The following KIAA1217 variants were observed in gnomAD, a reference collection of about 807,000 sequenced individuals.
KIAA1217 encodes sickle tail protein homolog.
In KIAA1217, 88 loss-of-function variants were observed where a neutral mutation model predicts 163.9. The observed-to-expected ratio is 0.54, with a 90% CI of 0.45 to 0.64. The LOEUF (loss-of-function observed/expected upper bound fraction) is 0.64, where lower values mean the gene tolerates loss of function less well. Ranked by LOEUF, KIAA1217 falls within the 30% of genes least tolerant of loss-of-function variation. KIAA1217 has a pLI of 0.00. For synonymous variants in KIAA1217, 903 were observed against 923.1 expected (o/e 0.98, Z 0.39); for missense variants, 2,372 against 2,475.0 (o/e 0.96, Z 0.88).
At chr10:24,384,405 A>G (rs998173567) in intron 3 of KIAA1217, among the ~76,000 whole-genome samples, 7 of 152,286 alleles carry the variant, frequency 4.6e-5, no homozygotes, top group Admixed American at 4.6e-4. Flanking sequence ...CCCCATGATC[A>G]GCATACCCTA....
intron 1 of KIAA1217, among the ~76,000 whole-genome samples, chr10:23,897,453 A>G (rs1166105121): frequency 1.3e-5 from 2 of 151,920 alleles, no homozygotes; most frequent in Admixed American, 1.3e-4. Context: ...GTTGGTGTTC[A>G]CTGGTATCAG....
rs546463457 is a variant in KIAA1217 at position 24,075,127 on chromosome 10, C to A, written c.-171+67753C>A. Among the ~76,000 whole-genome samples, 66 of 131,184 alleles carry A rather than the reference C, an allele frequency of 5.0e-4. No homozygotes were observed. In the South Asian group the frequency reaches 0.014, roughly 27 times the overall value. The allele number at this position is 131,184 out of a possible 152,430, so 86.1% of individuals were successfully genotyped here. A position where few individuals can be genotyped will look rare whatever the true frequency, so the allele number is the denominator to read the frequency against. On this transcript the variant is annotated intron_variant, in intron 2 of 18. Coordinates refer to the KIAA1217 transcript ENST00000376462. ...CTTCTGTTCCCCCTAAATACACACA[C>A]ACACACACACACACACACACACACA...
At chr10:24,328,893 A>G (rs930655785) in intron 2 of KIAA1217, among the ~76,000 whole-genome samples, 3 of 151,830 alleles carry the variant, frequency 2.0e-5, no homozygotes, top group African/African-American at 4.8e-5. Flanking sequence ...TGTCTTCCCA[A>G]TTTTCATAAC....
upstream of KIAA1217, among the ~76,000 whole-genome samples, chr10:24,204,771 A>G (rs750304351): frequency 2.0e-5 from 3 of 152,196 alleles, no homozygotes; most frequent in Non-Finnish European, 2.9e-5. Flanking sequence ...GAGAGCCCAC[A>G]TTTCACATGC....
intron 2 of KIAA1217, among the ~76,000 whole-genome samples, chr10:24,317,663 A>G (rs2043570821): frequency 6.6e-6 from 1 of 152,206 alleles, no homozygotes; most frequent in South Asian, 2.1e-4. Context: ...TAGAATATGC[A>G]TGTCTGGAAC....
intron 2 of KIAA1217, among the ~76,000 whole-genome samples, chr10:24,009,870 A>T (rs1847166906): frequency 6.6e-6 from 1 of 152,064 alleles, no homozygotes; most frequent in Non-Finnish European, 1.5e-5. Context: ...TCAAAGACTT[A>T]CTCTGTGATT....
chr10:23,857,606 G>A (rs558328366), intron 1 of KIAA1217, among the ~76,000 whole-genome samples: 4 of 152,132 alleles, frequency 2.6e-5, no homozygotes, highest in Non-Finnish European at 5.9e-5. Context: ...AAGGTCTAGG[G>A]TCGGGGCCCA....
chr10:23,810,681 C>T (rs1157868150), intron 1 of KIAA1217, among the ~76,000 whole-genome samples: 1 of 125,062 alleles, frequency 8.0e-6, no homozygotes, highest in Non-Finnish European at 1.6e-5. Context: ...ATATAGTATG[C>T]TATATATAGT....
In KIAA1217 at chr10:23,891,083, AG is replaced by A. The variant is rs544446533; in HGVS notation, c.-320-116141del. On this transcript the variant is annotated intron_variant, in intron 1 of 18. Coordinates refer to the KIAA1217 transcript ENST00000376462. ...TCTTATCCGGACTGTTCACATGAAA[AG>A]CTTCCCAACACTTGTACTTTCAGTA... Among the ~76,000 whole-genome samples the A allele has an allele frequency of 4.7e-4, 72 of 152,054 alleles. No individual in the cohort carries two copies. The South Asian group carries it at 0.014, about 30-fold the overall frequency.
At position 24,543,974 on chromosome 10, in the gene KIAA1217, C is replaced by A; in HGVS notation, c.4704C>A (p.Ser1568Arg). ...ACGCGACCGATGACCAGTTTGAAAG[C>A]CCCAAGAAAAAGTTTAAATTCAAAT... ...GEDATDDQFE[S>R]PKKKFKFKFP... Residue 1568 changes from serine (S) to arginine (R), a missense_variant, in exon 19 of 21, where the codon AGC becomes AGA. Physicochemically the swap from Ser to Arg is moderately radical, Grantham distance 110. Transcript: ENST00000376454. The A allele has an allele frequency of 6.2e-7, 1 of 1,614,070 alleles. No homozygotes were observed. The highest frequency in any genetic ancestry group is 8.5e-7 in the Non-Finnish European group (1 of 1,180,030).
chr10:24,344,642 A>G (rs1370260444), intron 2 of KIAA1217, among the ~76,000 whole-genome samples: 11 of 152,222 alleles, frequency 7.2e-5, no homozygotes, highest in African/African-American at 2.2e-4. Flanking sequence ...TGAGCTTTTA[A>G]TAACAGGAAT....
chr10:24,503,015 C>A (rs1032081755), intron 9 of KIAA1217, among the ~76,000 whole-genome samples: 1 of 152,126 alleles, frequency 6.6e-6, no homozygotes, highest in Non-Finnish European at 1.5e-5. Flanking sequence ...TATCCAGGAT[C>A]CTGGAGCAGC....
rs1330671073 is a variant in KIAA1217, at chr10:24,248,246, G to T, written c.354+28337G>T. 2.6e-5 allele frequency among the ~76,000 whole-genome samples: 4 copies of T among 152,292 alleles called. No homozygotes were observed. The East Asian group carries it at 7.7e-4, about 29-fold the overall frequency. ...TCTTTCTAAACAAATGCTGTTTTGG[G>T]TCCTAACCATCCCATGTTTGCTTTG... is the stretch of plus-strand genomic sequence containing the variant. On this transcript the variant is annotated intron_variant, in intron 2 of 20. Transcript: ENST00000376454.
chr10:24,221,060 AT>A (rs1395811607), intron 2 of KIAA1217, among the ~76,000 whole-genome samples: 3 of 151,726 alleles, frequency 2.0e-5, no homozygotes, highest in Non-Finnish European at 4.4e-5. Context: ...TGTGCCTGGC[AT>A]TTTTTTCTTT....
In KIAA1217 at chr10:23,957,579, G is replaced by A. The variant is rs114036819; in HGVS notation, c.-320-49646G>A. Among the ~76,000 whole-genome samples, 1,400 of 152,168 alleles carry A rather than the reference G, an allele frequency of 9.2e-3. 25 individuals are homozygous for A. The highest frequency in any genetic ancestry group is 0.032 in the African/African-American group (1,318 of 41,528). ...TCTACTAAAAATACAAAAATTAGCC[G>A]AGGATGGTGGTACGTGCCTGTAGTC... On this transcript the variant is annotated intron_variant, in intron 1 of 18. Coordinates refer to the KIAA1217 transcript ENST00000376462.
At chr10:23,841,167 A>G (rs574223189) in intron 1 of KIAA1217, among the ~76,000 whole-genome samples, 103 of 152,340 alleles carry the variant, frequency 6.8e-4, no homozygotes, top group African/African-American at 2.4e-3. Flanking sequence ...GTGCTTTGTG[A>G]TAAATTTAGG....
chr10:24,317,173 T>C (rs944717558), intron 2 of KIAA1217, among the ~76,000 whole-genome samples: 1 of 152,132 alleles, frequency 6.6e-6, no homozygotes, highest in Non-Finnish European at 1.5e-5. Flanking sequence ...GCAGAAATGA[T>C]TGATTATGTT....
At chr10:23,701,139 A>G (rs563693967) in intron 1 of KIAA1217, among the ~76,000 whole-genome samples, 1 of 152,302 alleles carries the variant, frequency 6.6e-6, no homozygotes, top group East Asian at 1.9e-4. Context: ...CATTATTATT[A>G]TGGTGTCATC....
chr10:24,268,481 G>C (rs1399511470), intron 2 of KIAA1217, among the ~76,000 whole-genome samples: 3 of 151,232 alleles, frequency 2.0e-5, no homozygotes, highest in Non-Finnish European at 4.4e-5. Flanking sequence ...CTGGCCATCA[G>C]AGAAATGCAA....
Sources: allele counts gnomAD v4.1 joint callset (sites outside exome capture counted in the v4.1 genomes callset), GRCh38; gene constraint gnomAD v4.1.1; transcripts MANE v1.5; gene names NCBI Gene and HGNC (gene_info 2026-07-23, HGNC 2026-07-21).